The following CDH12 variants were observed in gnomAD, a reference collection of about 807,000 sequenced individuals.
CDH12 encodes the protein cadherin-12.
A neutral mutation model predicts 74.1 loss-of-function variants in CDH12; 41 were observed. That is an observed-to-expected ratio of 0.55 (90% CI 0.43 to 0.72). CDH12 has a LOEUF of 0.72. CDH12 is among the 30% of genes least tolerant of loss of function. The pLI is 0.00. For synonymous variants in CDH12, 399 were observed against 355.0 expected (o/e 1.12, Z -1.39); for missense variants, 945 against 977.2 (o/e 0.97, Z 0.44).
chr5:21,881,052 C>A (rs1210842941), intron 6 of CDH12, among the ~76,000 whole-genome samples: 7 of 151,694 alleles, frequency 4.6e-5, no homozygotes, highest in African/African-American at 1.7e-4. Context: ...ATTTATAAGC[C>A]ATCTATTAAG....
intron 8 of CDH12, among the ~76,000 whole-genome samples, chr5:21,836,311 T>C (rs1395463225): frequency 6.6e-6 from 1 of 151,786 alleles, no homozygotes; most frequent in African/African-American, 2.4e-5. Context: ...CGTTTGTAGA[T>C]ATTTAATCAA....
intron 1 of CDH12, among the ~76,000 whole-genome samples, chr5:22,536,869 C>T (rs1737871503): frequency 1.3e-5 from 2 of 152,176 alleles, no homozygotes; most frequent in African/African-American, 4.8e-5. Context: ...AAAACTTCTC[C>T]TTAGCTTTCT....
chr5:21,781,668 G>A (rs769454423), intron 11 of CDH12, among the ~76,000 whole-genome samples: 6 of 151,274 alleles, frequency 4.0e-5, no homozygotes, highest in Admixed American at 6.6e-5. Context: ...AGGTTGCGGT[G>A]AGCCGAGATT....
chr5:21,862,247 G>A (rs2150009054), intron 6 of CDH12, among the ~76,000 whole-genome samples: 1 of 151,926 alleles, frequency 6.6e-6, no homozygotes, highest in South Asian at 2.1e-4. Context: ...AACTACAGAG[G>A]GCTTGCTTCT....
At chr5:22,729,748 C>T (rs1290896136) in intron 1 of CDH12, among the ~76,000 whole-genome samples, 3 of 151,872 alleles carry the variant, frequency 2.0e-5, no homozygotes, top group Non-Finnish European at 4.4e-5. Flanking sequence ...GTAGTTTTCT[C>T]TTCTTGTCCA....
At chr5:21,781,084 A>C (rs1745880243) in intron 11 of CDH12, among the ~76,000 whole-genome samples, 1 of 152,196 alleles carries the variant, frequency 6.6e-6, no homozygotes, top group Non-Finnish European at 1.5e-5. Flanking sequence ...CAAAGAGGGC[A>C]GATATGAAAG....
At chr5:21,801,417 C>CGG (rs1579726960) in intron 10 of CDH12, among the ~76,000 whole-genome samples, 1 of 152,086 alleles carries the variant, frequency 6.6e-6, no homozygotes, top group East Asian at 1.9e-4. Context: ...TGTAGGCACG[C>CGG]GGCAGAAAAT....
In CDH12 at chr5:22,287,135, A is replaced by G. The variant is rs1197769250; in HGVS notation, c.-332-74492T>C. Among the ~76,000 whole-genome samples, 2 of 152,160 alleles carry G rather than the reference A, an allele frequency of 1.3e-5. 1 individual carries two copies. The highest frequency in any genetic ancestry group is 2.9e-5 in the Non-Finnish European group (2 of 68,026). The stretch of plus-strand genomic sequence containing the variant: ...GCTGGTTGACCGTAAGAGAATAGAG[A>G]AGTAGAGGACAGACAGCAACATACA... On this transcript the variant is annotated intron_variant, in intron 3 of 14. Transcript: ENST00000382254.
chr5:22,389,946 C>A (rs957466104), intron 3 of CDH12, among the ~76,000 whole-genome samples: 10 of 151,672 alleles, frequency 6.6e-5, no homozygotes, highest in African/African-American at 2.4e-4. Flanking sequence ...CCGTGCCTGG[C>A]CGACAATTGA....
intron 1 of CDH12, among the ~76,000 whole-genome samples, chr5:22,820,699 C>T (rs1255852140): frequency 6.6e-6 from 1 of 152,120 alleles, no homozygotes. Flanking sequence ...AGTTGAATCC[C>T]TGAATAGACC....
chr5:22,036,659 A>G (rs961171544), intron 5 of CDH12, among the ~76,000 whole-genome samples: 1 of 152,182 alleles, frequency 6.6e-6, no homozygotes, highest in African/African-American at 2.4e-5. Context: ...AATGAGACTT[A>G]TGTACACAGA....
At chr5:21,902,485 G>A (rs1387650589) in intron 6 of CDH12, among the ~76,000 whole-genome samples, 1 of 151,938 alleles carries the variant, frequency 6.6e-6, no homozygotes, top group African/African-American at 2.4e-5. Flanking sequence ...AGAATCCATG[G>A]TTTAACAAGT....
At chr5:22,811,217 GGA>G (rs1363912665) in intron 1 of CDH12, among the ~76,000 whole-genome samples, 2 of 152,012 alleles carry the variant, frequency 1.3e-5, no homozygotes, top group Admixed American at 1.3e-4. Flanking sequence ...CTGGGAGAGA[GGA>G]GAGATCATCT....
intron 1 of CDH12, among the ~76,000 whole-genome samples, chr5:22,729,226 G>A (rs149544989): frequency 2.6e-5 from 4 of 151,876 alleles, no homozygotes; most frequent in East Asian, 3.9e-4. Context: ...CAACAGGGGC[G>A]TGGTTCTCAT....
intron 3 of CDH12, among the ~76,000 whole-genome samples, chr5:22,245,854 G>A (rs761644459): frequency 6.6e-6 from 1 of 152,026 alleles, no homozygotes. Context: ...AAATTGCCCA[G>A]CTTTATTACC....
At chr5:21,995,535 GA>G (rs1391309429) in intron 5 of CDH12, among the ~76,000 whole-genome samples, 3 of 151,766 alleles carry the variant, frequency 2.0e-5, no homozygotes, top group Non-Finnish European at 4.4e-5. Context: ...GGGGATTTTT[GA>G]AAATGAAAGC....
intron 6 of CDH12, among the ~76,000 whole-genome samples, chr5:21,922,159 A>C (rs2150072835): frequency 6.6e-6 from 1 of 152,284 alleles, no homozygotes; most frequent in South Asian, 2.1e-4. Context: ...CACAAATACT[A>C]GTGTAAATAT....
chr5:22,819,972 C>CATAGACATAT (rs1255446339), intron 1 of CDH12, among the ~76,000 whole-genome samples: 1 of 139,632 alleles, frequency 7.2e-6, no homozygotes, highest in Non-Finnish European at 1.6e-5. Context: ...CATATATATA[C>CATAGACATAT]ATATACATAT....
chr5:22,763,768 T>C (rs1383090740), intron 1 of CDH12, among the ~76,000 whole-genome samples: 1 of 151,936 alleles, frequency 6.6e-6, no homozygotes, highest in Non-Finnish European at 1.5e-5. Context: ...TTCTAAGCAC[T>C]GAGTGATCAT....
Sources: allele counts gnomAD v4.1 joint callset (sites outside exome capture counted in the v4.1 genomes callset), GRCh38; gene constraint gnomAD v4.1.1; transcripts MANE v1.5; gene names NCBI Gene and HGNC (gene_info 2026-07-23, HGNC 2026-07-21).